Variants in AUTS2 observed in about 807,000 individuals in gnomAD.
AUTS2 encodes autism susceptibility gene 2 protein.
In AUTS2, 17 loss-of-function variants were observed where a neutral mutation model predicts 112.4. The observed-to-expected ratio is 0.15, with a 90% CI of 0.10 to 0.23. The LOEUF is 0.23. Ranked by LOEUF, AUTS2 falls within the 10% of genes least tolerant of loss-of-function variation. The pLI is 1.00. For missense variants in AUTS2, 1,510 were observed against 1,701.6 expected, an observed-to-expected ratio of 0.89 and a Z score of 1.98; for synonymous variants, 751 against 702.7, an observed-to-expected ratio of 1.07 and a Z score of -1.09.
At chr7:70,739,762 C>T (rs1240250246) in intron 6 of AUTS2, among the ~76,000 whole-genome samples, 2 of 150,212 alleles carry the variant, frequency 1.3e-5, no homozygotes, top group South Asian at 2.1e-4. Context: ...CCTGAGACGC[C>T]TTTCAAGGAG....
intron 1 of AUTS2, among the ~76,000 whole-genome samples, chr7:69,882,925 A>G (rs1376478386): frequency 6.6e-6 from 1 of 152,214 alleles, no homozygotes; most frequent in Non-Finnish European, 1.5e-5. Flanking sequence ...CATTAATTGT[A>G]TCAGTCAGGA....
chr7:70,151,370 A>G (rs1230218313), intron 4 of AUTS2, among the ~76,000 whole-genome samples: 1 of 152,192 alleles, frequency 6.6e-6, no homozygotes, highest in African/African-American at 2.4e-5. Context: ...TGGAAAAACC[A>G]CTAGACTCAT....
chr7:69,659,756 C>T (rs1308023351), intron 1 of AUTS2, among the ~76,000 whole-genome samples: 1 of 151,906 alleles, frequency 6.6e-6, no homozygotes, highest in Non-Finnish European at 1.5e-5. Context: ...TGGTTGCATC[C>T]CAGAGATTTC....
At chr7:70,403,731 A>T (rs1794418885) in intron 4 of AUTS2, among the ~76,000 whole-genome samples, 2 of 152,210 alleles carry the variant, frequency 1.3e-5, no homozygotes, top group African/African-American at 2.4e-5. Context: ...AGAATACATA[A>T]GGAAGGCTTG....
chr7:70,496,876 G>A, intron 5 of AUTS2, among the ~76,000 whole-genome samples: 2 of 85,566 alleles, frequency 2.3e-5, no homozygotes, highest in South Asian at 4.1e-4. Context: ...CCACACACAT[G>A]CACACGTCAC....
At chr7:69,915,579 T>G (rs1424393513) in intron 2 of AUTS2, among the ~76,000 whole-genome samples, 1 of 152,218 alleles carries the variant, frequency 6.6e-6, no homozygotes, top group Non-Finnish European at 1.5e-5. Flanking sequence ...CTTGGAACTC[T>G]TAGTACAGGA....
intron 10 of AUTS2, 137 bp from the exon 11 acceptor site, chr7:70,771,412 A>G (rs1375592229): frequency 4.9e-6 from 3 of 613,494 alleles, no homozygotes; most frequent in South Asian, 2.8e-5. Flanking sequence ...TCATTCCATC[A>G]TGGCTTCTTG....
chr7:70,119,265 G>A (rs1805556465), intron 3 of AUTS2: 1 of 152,036 alleles, frequency 6.6e-6, no homozygotes, highest in Admixed American at 6.6e-5. Context: ...TGGGATTGTA[G>A]GTGTGAGCCA....
At chr7:70,243,635 A>C (rs1812745485) in intron 4 of AUTS2, among the ~76,000 whole-genome samples, 1 of 151,596 alleles carries the variant, frequency 6.6e-6, no homozygotes, top group South Asian at 2.1e-4. Context: ...GTTTCTCCCA[A>C]CTCTGCGATA....
At chr7:70,626,252 G>GGTGTC (rs1055529009) in intron 5 of AUTS2, among the ~76,000 whole-genome samples, 7 of 150,472 alleles carry the variant, frequency 4.7e-5, no homozygotes, top group African/African-American at 1.7e-4. Context: ...GTCCAGGTAT[G>GGTGTC]GTGGCTCACA....
intron 1 of AUTS2, among the ~76,000 whole-genome samples, chr7:69,613,039 A>G (rs571567289): frequency 1.3e-5 from 2 of 152,344 alleles, no homozygotes; most frequent in Admixed American, 6.5e-5. Context: ...CACCCCATGA[A>G]AAAAAGAATA....
intron 4 of AUTS2, among the ~76,000 whole-genome samples, chr7:70,341,669 C>A (rs1000115667): frequency 6.6e-6 from 1 of 152,208 alleles, no homozygotes; most frequent in Non-Finnish European, 1.5e-5. Flanking sequence ...AGTCTAATCA[C>A]CTCATGTGAA....
intron 1 of AUTS2, among the ~76,000 whole-genome samples, chr7:69,679,594 G>A (rs1036253450): frequency 6.6e-6 from 1 of 152,178 alleles, no homozygotes; most frequent in African/African-American, 2.4e-5. Flanking sequence ...TGTCTGCATT[G>A]AAATCTTTCT....
At chr7:69,822,161 A>G (rs75706607) in intron 1 of AUTS2, among the ~76,000 whole-genome samples, 312 of 152,342 alleles carry the variant, frequency 2.0e-3, no homozygotes, top group Non-Finnish European at 3.5e-3. Flanking sequence ...AAGCAACAAT[A>G]GAGTCATATT....
intron 1 of AUTS2, among the ~76,000 whole-genome samples, chr7:69,616,918 T>C (rs1793411782): frequency 6.6e-6 from 1 of 152,182 alleles, no homozygotes; most frequent in African/African-American, 2.4e-5. Context: ...TATTCTTTCA[T>C]TCAAAAAAAA....
chr7:70,133,767 G>A (rs1194188270), intron 3 of AUTS2, among the ~76,000 whole-genome samples: 4 of 152,126 alleles, frequency 2.6e-5, no homozygotes, highest in Admixed American at 2.6e-4. Flanking sequence ...CAGAATCTCA[G>A]GCAAGTTTAA....
At chr7:70,369,459 C>T (rs1266038600) in intron 4 of AUTS2, among the ~76,000 whole-genome samples, 3 of 151,982 alleles carry the variant, frequency 2.0e-5, no homozygotes, top group Non-Finnish European at 4.4e-5. Flanking sequence ...GAGATTAAAC[C>T]GAGGCCTTGA....
chr7:69,885,118 C>T (rs976977069), intron 1 of AUTS2, among the ~76,000 whole-genome samples: 1 of 152,118 alleles, frequency 6.6e-6, no homozygotes, highest in Non-Finnish European at 1.5e-5. Context: ...TCCATGAAAC[C>T]CATATATGTT....
In AUTS2 at chr7:70,698,569, G is replaced by T. The variant is rs2129547444; in HGVS notation, c.691G>T (p.Ala231Ser). 2.5e-6 allele frequency: 4 copies of T among 1,603,954 alleles called. No individual in the cohort carries two copies. Among genetic ancestry groups the T allele is most frequent in the African/African-American group, 1.3e-5 (1 of 74,786 alleles). ...TTTTTTCCCCCTTCTTGTTTTTCAG[G>T]CATCAGATGCCAGCTCTGAAAAACT... Reference protein sequence around the residue: ...CDSDSDQEEKASDASSEKLFN... With the variant: ...CDSDSDQEEKSSDASSEKLFN... The change falls in exon 6 of 19, where the codon GCA becomes TCA. Residue 231 changes from alanine (A) to serine (S), a missense_variant and splice_region_variant. By Grantham distance (99) the Ala-to-Ser change is moderately conservative (BLOSUM62 1). Coordinates refer to ENST00000342771, the MANE Select transcript of AUTS2 (RefSeq NM_015570.4).
Sources: allele counts gnomAD v4.1 joint callset (sites outside exome capture counted in the v4.1 genomes callset), GRCh38; gene constraint gnomAD v4.1.1; transcripts MANE v1.5; gene names NCBI Gene and HGNC (gene_info 2026-07-23, HGNC 2026-07-21).